MYBPC1: variants seen among roughly 807,000 people sequenced by gnomAD.
MYBPC1 encodes the protein myosin-binding protein C, slow-type.
MYBPC1 carries 52 observed loss-of-function variants against 147.1 expected under a neutral mutation model. The observed-to-expected ratio is 0.35, with a 90% CI of 0.28 to 0.45. The LOEUF is 0.45. MYBPC1 is among the 20% of genes least tolerant of loss of function. MYBPC1 has a pLI of 1.00. For missense variants in MYBPC1, 1,228 were observed against 1,440.3 expected (o/e 0.85, Z 2.39); for synonymous variants, 477 against 475.9 (o/e 1.00, Z -0.03).
chr12:101,644,968 C>T (rs1451427720), intron 12 of MYBPC1, among the ~76,000 whole-genome samples, 172 bp downstream of exon 12: 1 of 152,106 alleles, frequency 6.6e-6, no homozygotes, highest in Non-Finnish European at 1.5e-5. Flanking sequence ...CATGATAGTT[C>T]TATATAAACT....
intron 23 of MYBPC1, chr12:101,669,852 G>A (rs962868038): frequency 5.7e-5 from 15 of 262,264 alleles, no homozygotes; most frequent in South Asian, 4.4e-4. Context: ...CATGAGAATC[G>A]CTTGAACCCA....
At chr12:101,659,939 C>G in intron 19 of MYBPC1, 108 bp downstream of exon 19, 1 of 1,402,014 alleles carries the variant, frequency 7.1e-7, no homozygotes. Context: ...TTGTCTTTCC[C>G]TTATCTTCTT....
At chr12:101,659,598 C>G (rs1183385189) in intron 18 of MYBPC1, 74 bp from the exon 19 acceptor site, 1 of 1,521,734 alleles carries the variant, frequency 6.6e-7, no homozygotes, top group African/African-American at 1.4e-5. Context: ...CTGAATTGCT[C>G]AATTTATAGG....
chr12:101,610,407 C>A (rs766586794), intron 1 of MYBPC1, among the ~76,000 whole-genome samples: 1 of 152,152 alleles, frequency 6.6e-6, no homozygotes, highest in African/African-American at 2.4e-5. Flanking sequence ...CAGATGCTTC[C>A]TCAGTCCCCA....
rs775191937 is a variant in MYBPC1 at position 101,673,444 on chromosome 12, A to G, written c.2631A>G (p.Glu877=). 6.2e-7 allele frequency: 1 copy of G among 1,612,932 alleles called. No individual in the cohort carries two copies. Among genetic ancestry groups the G allele is most frequent in the Non-Finnish European group, 8.5e-7 (1 of 1,179,962 alleles). Reference sequence around the variant, plus strand: ...CTTTTTAGGGAAAACCAAGACCAGAATTAACTTGGAAGAAGGATGGTGCAG... The same window carrying G: ...CTTTTTAGGGAAAACCAAGACCAGAGTTAACTTGGAAGAAGGATGGTGCAG... The part of the protein sequence containing the change: ...VIPFQGKPRP[E]LTWKKDGAEI... Residue 877 remains glutamate, a synonymous_variant, in exon 25 of 32, where the codon GAA becomes GAG. Transcript: ENST00000361466.
In MYBPC1 at chr12:101,662,379, A is replaced by T. The variant is rs1410897247; in HGVS notation, c.2054A>T (p.Lys685Met). The change falls in exon 21 of 32, where the codon AAG (lysine) becomes ATG (methionine). Residue 685 changes from lysine (K) to methionine (M), a missense_variant. Around this residue, in one of 2 missense-constraint regions of MYBPC1, gnomAD observed 1,077 missense variants for 1,314.2 expected, o/e 0.82. Transcript: ENST00000361466. ...PILGYFIERK[K>M]KQSSRWMRLN... ...GCAGGATATTTTATTGAGAGGAAGA[A>T]GAAACAAAGCTCCAGGTGGATGAGG... 6.2e-7 allele frequency: 1 copy of T among 1,614,254 alleles called. No homozygotes were observed. The highest frequency in any genetic ancestry group is 2.2e-5 in the East Asian group (1 of 44,890).
In MYBPC1 at chr12:101,614,476, A is replaced by G. The variant is rs762856077; in HGVS notation, c.26-20A>G. ...TGTGATAAATGAGCCTGACATTTCCATGACTCTTTCCATTTCTAGAAAATG... is the reference window on the plus strand; with the variant it reads ...TGTGATAAATGAGCCTGACATTTCCGTGACTCTTTCCATTTCTAGAAAATG... On this transcript the variant is annotated intron_variant, in intron 1 of 31. Transcript: ENST00000361466. 9 of 1,613,764 alleles carry G rather than the reference A, an allele frequency of 5.6e-6. No homozygotes were observed. In the South Asian group the frequency reaches 9.9e-5, roughly 18 times the overall value.
chr12:101,598,016 CTT>C (rs34462251), intron 1 of MYBPC1, among the ~76,000 whole-genome samples: 36 of 122,102 alleles, frequency 2.9e-4, no homozygotes, highest in Admixed American at 5.1e-4. Context: ...AATCACCTTT[CTT>C]TTTTTTTTTT....
At chr12:101,632,664 C>A (rs1209177292) in intron 8 of MYBPC1, among the ~76,000 whole-genome samples, 3 of 152,174 alleles carry the variant, frequency 2.0e-5, no homozygotes, top group Non-Finnish European at 4.4e-5. Context: ...GTTGACTTGG[C>A]AGCAAATATT....
At chr12:101,615,239 A>G (rs149850939) in intron 2 of MYBPC1, among the ~76,000 whole-genome samples, 8 of 152,344 alleles carry the variant, frequency 5.3e-5, no homozygotes, top group African/African-American at 1.7e-4. Context: ...TGAAAGCTCA[A>G]TGTGGCTTAA....
At chr12:101,660,754 G>C (rs1896404169) in intron 19 of MYBPC1, among the ~76,000 whole-genome samples, 1 of 150,964 alleles carries the variant, frequency 6.6e-6, no homozygotes, top group African/African-American at 2.4e-5. Flanking sequence ...AGCTGGGGAG[G>C]CCTCACAATC....
intron 22 of MYBPC1, chr12:101,666,662 A>G: frequency 7.7e-7 from 1 of 1,301,152 alleles, no homozygotes; most frequent in Non-Finnish European, 1.1e-6. Context: ...CTTTACTAAC[A>G]GAGAATGCTG....
chr12:101,665,693 T>TC (rs1897301969), intron 22 of MYBPC1, among the ~76,000 whole-genome samples: 1 of 152,182 alleles, frequency 6.6e-6, no homozygotes, highest in African/African-American at 2.4e-5. Flanking sequence ...CTATTTTTGT[T>TC]CCCCCTCTGG....
chr12:101,616,414 T>C (rs974847675), intron 2 of MYBPC1, among the ~76,000 whole-genome samples: 1 of 152,238 alleles, frequency 6.6e-6, no homozygotes, highest in African/African-American at 2.4e-5. Context: ...ATATTTCATA[T>C]TCATTGCACA....
rs1343247384 is a variant in MYBPC1 at position 101,651,331 on chromosome 12, A to G, written c.1464A>G (p.Lys488=). Residue 488 remains lysine, a synonymous_variant, in exon 16 of 32, where the codon AAA becomes AAG. Transcript: ENST00000361466. ...KCEISENIPG[K]WTKNGLPVQE... is the part of the protein sequence containing the mutation. ...AAATCTCTGAAAACATACCAGGAAA[A>G]TGGACTAAAAATGGCCTACCTGTTC... is the stretch of plus-strand genomic sequence containing the variant. 1 of 1,614,050 alleles carries G rather than the reference A, an allele frequency of 6.2e-7. No homozygotes were observed. Among genetic ancestry groups the G allele is most frequent in the Non-Finnish European group, 8.5e-7 (1 of 1,180,008 alleles).
Position 101,662,560 on chromosome 12 carries a change from G to A in MYBPC1, c.2221+14G>A. On this transcript the variant is annotated intron_variant, in intron 21 of 31. Coordinates refer to ENST00000361466, the MANE Select transcript of MYBPC1 (RefSeq NM_002465.4). ...TTGTTCCTTTGGGTAAGTCAAGAGA[G>A]ATGAGTCTTTGTCATCAGAATCATT... is the stretch of plus-strand genomic sequence containing the variant. 1.2e-6 allele frequency: 2 copies of A among 1,613,170 alleles called. No homozygotes were observed. Among genetic ancestry groups the A allele is most frequent in the Non-Finnish European group, 1.7e-6 (2 of 1,179,186 alleles).
intron 9 of MYBPC1, 117 bp downstream of exon 9, chr12:101,634,722 C>A: frequency 2.4e-6 from 2 of 821,938 alleles, no homozygotes; most frequent in African/African-American, 1.7e-5. Context: ...CTTTTCACCG[C>A]AAAAACACCA....
chr12:101,673,447 A>C lies in MYBPC1; in HGVS notation c.2634A>C (p.Leu878Phe). ...TTTAGGGAAAACCAAGACCAGAATT[A>C]ACTTGGAAGAAGGATGGTGCAGAAA... Reference protein sequence around the residue: ...IPFQGKPRPELTWKKDGAEID... With the variant: ...IPFQGKPRPEFTWKKDGAEID... Residue 878 changes from leucine to phenylalanine, a missense_variant, in exon 25 of 32, where the codon TTA becomes TTC. Leu to Phe is a conservative substitution (Grantham distance 22, BLOSUM62 0). Around this residue, in one of 2 missense-constraint regions of MYBPC1, gnomAD observed 1,077 missense variants for 1,314.2 expected, o/e 0.82. Coordinates refer to ENST00000361466, the MANE Select transcript of MYBPC1 (RefSeq NM_002465.4). 6.2e-7 allele frequency: 1 copy of C among 1,612,996 alleles called. No individual in the cohort carries two copies. The highest frequency in any genetic ancestry group is 8.5e-7 in the Non-Finnish European group (1 of 1,179,956).
chr12:101,654,732 C>T (rs1169987223), intron 18 of MYBPC1, among the ~76,000 whole-genome samples: 1 of 152,196 alleles, frequency 6.6e-6, no homozygotes. Flanking sequence ...TGGACTGGCA[C>T]TCACACAAGG....
Sources: allele counts gnomAD v4.1 joint callset (sites outside exome capture counted in the v4.1 genomes callset), GRCh38; gene constraint gnomAD v4.1.1; regional missense constraint gnomAD v4.1.1; transcripts MANE v1.5; gene names NCBI Gene and HGNC (gene_info 2026-07-23, HGNC 2026-07-21).